The following ANK2 variants were observed in gnomAD, a reference collection of about 807,000 sequenced individuals.
The protein encoded by ANK2 is ankyrin-2.
In ANK2, 83 loss-of-function variants were observed where a neutral mutation model predicts 360.5. The ratio of observed to expected loss-of-function variants is 0.23; its 90% CI spans 0.19 to 0.28. The LOEUF (loss-of-function observed/expected upper bound fraction) is 0.28. ANK2 is among the 10% of genes least tolerant of loss of function. The pLI is 1.00. For synonymous variants in ANK2, 1,740 were observed against 1,759.5 expected (o/e 0.99, Z 0.28); for missense variants, 4,201 against 4,795.7 (o/e 0.88, Z 3.66).
intron 1 of ANK2, among the ~76,000 whole-genome samples, chr4:112,843,520 C>A (rs544481469): frequency 6.6e-6 from 1 of 152,246 alleles, no homozygotes; most frequent in African/African-American, 2.4e-5. Flanking sequence ...CAAAACATTG[C>A]ATGTGCCATT....
chr4:112,826,978 C>T, intron 1 of ANK2: 5 of 1,532,258 alleles, frequency 3.3e-6, no homozygotes. Context: ...AAAGATGAAC[C>T]ATTTCTTTTT....
intron 32 of ANK2, among the ~76,000 whole-genome samples, chr4:113,340,417 G>C (rs988135319): frequency 6.6e-6 from 1 of 152,240 alleles, no homozygotes; most frequent in Non-Finnish European, 1.5e-5. Context: ...TTGAGGCTGG[G>C]CCTGGTGGCT....
intron 2 of ANK2, among the ~76,000 whole-genome samples, chr4:113,025,139 A>C (rs1172360998): frequency 1.3e-5 from 2 of 151,178 alleles, no homozygotes; most frequent in East Asian, 4.0e-4. Flanking sequence ...CTAACTAGTC[A>C]TATTGATCTT....
At chr4:113,167,567 G>A (rs943178840) in intron 1 of ANK2, among the ~76,000 whole-genome samples, 1 of 151,958 alleles carries the variant, frequency 6.6e-6, no homozygotes, top group East Asian at 1.9e-4. Context: ...CCCAAAGTGC[G>A]GGGATTACAG....
At chr4:113,274,392 C>T in intron 14 of ANK2, 60 bp from the exon 15 acceptor site, 1 of 1,542,600 alleles carries the variant, frequency 6.5e-7, no homozygotes, top group Non-Finnish European at 9.0e-7. Flanking sequence ...GTGAGTGAAA[C>T]ATATCACCAG....
intron 1 of ANK2, among the ~76,000 whole-genome samples, chr4:112,899,624 C>T (rs2082709330): frequency 6.6e-6 from 1 of 152,160 alleles, no homozygotes; most frequent in Non-Finnish European, 1.5e-5. Context: ...TTCTGCATTT[C>T]TAATATCCAT....
At chr4:112,951,276 A>G (rs1442204432) in intron 2 of ANK2, among the ~76,000 whole-genome samples, 1 of 152,286 alleles carries the variant, frequency 6.6e-6, no homozygotes, top group East Asian at 1.9e-4. Context: ...ATTTTGTAAA[A>G]CATTCAAACA....
chr4:112,974,234 A>G (rs181951608), intron 2 of ANK2, among the ~76,000 whole-genome samples: 39 of 152,324 alleles, frequency 2.6e-4, no homozygotes, highest in Middle Eastern at 3.4e-3. Flanking sequence ...GCACTGTTAA[A>G]TTGTGTTATT....
chr4:113,303,926 G>C lies in ANK2; in HGVS notation c.2548+1087G>C, dbSNP rs1290830533. ...TAGGTTCTTTAAGATAAAATCATAA[G>C]ATAAAACTTTACATTGAGATGTCCT... On this transcript the variant is annotated intron_variant, in intron 23 of 45. Transcript: ENST00000357077. Among the ~76,000 whole-genome samples, 5 of 152,278 alleles carry C rather than the reference G, an allele frequency of 3.3e-5. No individual in the cohort carries two copies. In the South Asian group the frequency reaches 1.0e-3, roughly 32 times the overall value.
the ANK2 span, among the ~76,000 whole-genome samples, chr4:112,717,707 A>G: frequency 1.3e-5 from 2 of 152,190 alleles, no homozygotes; most frequent in Non-Finnish European, 2.9e-5. Flanking sequence ...CCTATCCAAG[A>G]TAGTTACCAA....
intron 26 of ANK2, among the ~76,000 whole-genome samples, chr4:113,320,973 C>T (rs1238244639): frequency 6.6e-6 from 1 of 152,216 alleles, no homozygotes; most frequent in African/African-American, 2.4e-5. Flanking sequence ...CATCTAGCCT[C>T]TGCCTTTAGA....
chr4:113,263,023 A>G (rs2053862143), intron 13 of ANK2, among the ~76,000 whole-genome samples: 1 of 151,556 alleles, frequency 6.6e-6, no homozygotes, highest in Non-Finnish European at 1.5e-5. Context: ...CCCCATCTCT[A>G]CTAAAATTAC....
At chr4:113,191,460 C>A (rs1242264038) in intron 2 of ANK2, among the ~76,000 whole-genome samples, 2 of 152,158 alleles carry the variant, frequency 1.3e-5, no homozygotes, top group Non-Finnish European at 2.9e-5. Flanking sequence ...TTTTACCCAT[C>A]TACTTCCTAG....
intron 25 of ANK2, 135 bp downstream of exon 25, chr4:113,317,944 A>G (rs2083812282): frequency 1.3e-6 from 1 of 792,752 alleles, no homozygotes; most frequent in African/African-American, 1.7e-5. Flanking sequence ...AGGATAAGAG[A>G]TTTGAGGGTT....
At chr4:112,843,000 C>T (rs2062475108) in intron 1 of ANK2, among the ~76,000 whole-genome samples, 1 of 152,134 alleles carries the variant, frequency 6.6e-6, no homozygotes, top group South Asian at 2.1e-4. Context: ...CAAAGCACAC[C>T]ACTCCAACCT....
intron 2 of ANK2, among the ~76,000 whole-genome samples, chr4:112,995,079 C>T (rs2048100457): frequency 6.6e-6 from 1 of 152,164 alleles, no homozygotes; most frequent in Non-Finnish European, 1.5e-5. Context: ...CATATGAGTG[C>T]ATGTGTCTTT....
the ANK2 span, among the ~76,000 whole-genome samples, chr4:112,710,362 CG>C: frequency 6.6e-6 from 1 of 152,110 alleles, no homozygotes; most frequent in East Asian, 1.9e-4. Context: ...ATAGTATTTA[CG>C]GTAGAGTTGA....
intron 1 of ANK2, among the ~76,000 whole-genome samples, chr4:113,109,590 G>A (rs1206734311): frequency 6.6e-6 from 1 of 152,118 alleles, no homozygotes; most frequent in Non-Finnish European, 1.5e-5. Flanking sequence ...CTTCTTGCCT[G>A]GAACTTTTCA....
chr4:113,215,985 GAAGGCTGAA>G (rs941758783), intron 4 of ANK2, among the ~76,000 whole-genome samples: 8 of 152,096 alleles, frequency 5.3e-5, no homozygotes, highest in Non-Finnish European at 1.0e-4. Context: ...AGCACATTTT[GAAGGCTGAA>G]AATAAAGGAT....
Sources: allele counts gnomAD v4.1 joint callset (sites outside exome capture counted in the v4.1 genomes callset), GRCh38; gene constraint gnomAD v4.1.1; transcripts MANE v1.5; gene names NCBI Gene and HGNC (gene_info 2026-07-23, HGNC 2026-07-21).